PRKCG: variants seen among roughly 807,000 people sequenced by gnomAD.
PRKCG encodes the protein protein kinase C gamma type.
Under a neutral mutation model 82.0 loss-of-function variants are expected in PRKCG, and 28 were observed. That is an observed-to-expected ratio of 0.34 (90% CI 0.25 to 0.47). The LOEUF (loss-of-function observed/expected upper bound fraction) is 0.47, where lower values mean the gene tolerates loss of function less well. Among genes scored for constraint, PRKCG ranks in the 20% least tolerant of loss-of-function variants. The pLI is 1.00. For synonymous variants in PRKCG, 383 were observed against 376.6 expected, an observed-to-expected ratio of 1.02 and a Z score of -0.20; for missense variants, 640 against 952.7, an observed-to-expected ratio of 0.67 and a Z score of 4.32.
chr19:53,889,797 G>A lies in PRKCG; in HGVS notation c.397+48G>A. 2 of 1,597,270 alleles carry A rather than the reference G, an allele frequency of 1.3e-6. No individual in the cohort carries two copies. Among genetic ancestry groups the A allele is most frequent in the Non-Finnish European group, 1.7e-6 (2 of 1,171,896 alleles). On this transcript the variant is annotated intron_variant, in intron 4 of 17. Coordinates refer to ENST00000263431, the MANE Select transcript of PRKCG (RefSeq NM_002739.5). The surrounding 1 kb of genome is among the most constrained non-coding windows in gnomAD (Gnocchi z 4.4). ...GGGCCCTTCCAAAGCGCCCGGTCTG[G>A]GTTCCGGGAAATGCCCGGGATGGGG...
At position 53,898,505 on chromosome 19, in the gene PRKCG, G is replaced by C. The variant is rs1467128117; in HGVS notation, c.1158G>C (p.Val386=). Residue 386 remains valine, a synonymous_variant, in exon 11 of 18, where the codon GTG becomes GTC. Coordinates refer to ENST00000263431, the MANE Select transcript of PRKCG (RefSeq NM_002739.5). Reference sequence around the variant, plus strand: ...CCATCAAGATCTTGAAAAAGGACGTGATCGTCCAGGACGACGATGTGGACT... The same window carrying C: ...CCATCAAGATCTTGAAAAAGGACGTCATCGTCCAGGACGACGATGTGGACT... The part of the protein sequence containing the change: ...LYAIKILKKD[V]IVQDDDVDCT... The C allele has an allele frequency of 6.2e-7, 1 of 1,613,922 alleles. No individual in the cohort carries two copies.
chr19:53,888,374 C>T (rs1407382791), intron 3 of PRKCG, among the ~76,000 whole-genome samples: 3 of 152,044 alleles, frequency 2.0e-5, no homozygotes, highest in Admixed American at 6.6e-5. Flanking sequence ...GATATTGTCC[C>T]GGGGGTAGTG....
chr19:53,899,259 G>T (rs2068744689), intron 11 of PRKCG, among the ~76,000 whole-genome samples: 1 of 152,108 alleles, frequency 6.6e-6, no homozygotes, highest in Non-Finnish European at 1.5e-5. Context: ...ATGGGCTCTT[G>T]GGGGGAGTGG....
At chr19:53,904,797 C>T (rs2068789922) in intron 16 of PRKCG, 55 bp downstream of exon 16, 7 of 1,406,606 alleles carry the variant, frequency 5.0e-6, no homozygotes, top group Non-Finnish European at 7.0e-6. Context: ...CACCCCATTG[C>T]TGTCTCTGTG....
At chr19:53,896,451 G>A (rs1415826213) in intron 9 of PRKCG, among the ~76,000 whole-genome samples, 1 of 150,830 alleles carries the variant, frequency 6.6e-6, no homozygotes, top group Admixed American at 6.6e-5. Context: ...ACACAGTCTC[G>A]CTCTGTCGCC....
Position 53,903,093 on chromosome 19 carries a change from T to C in PRKCG, c.1596T>C (p.Tyr532=). Residue 532 remains tyrosine (Y), a synonymous_variant, in exon 15 of 18, where the codon TAT becomes TAC. Transcript: ENST00000263431. ...IAPEIIAYQP[Y]GKSVDWWSFG... Reference sequence around the variant, plus strand: ...CCTAGATCATTGCCTACCAGCCCTATGGGAAGTCTGTCGATTGGTGGTCCT... The same window carrying C: ...CCTAGATCATTGCCTACCAGCCCTACGGGAAGTCTGTCGATTGGTGGTCCT... 1 of 1,613,460 alleles carries C rather than the reference T, an allele frequency of 6.2e-7. No homozygotes were observed. Among genetic ancestry groups the C allele is most frequent in the East Asian group, 2.2e-5 (1 of 44,858 alleles).
chr19:53,905,565 T>C (rs535957729), intron 16 of PRKCG, among the ~76,000 whole-genome samples: 1 of 151,314 alleles, frequency 6.6e-6, no homozygotes, highest in Admixed American at 6.6e-5. Flanking sequence ...CTTCTCTGAG[T>C]TTCTGCCTTC....
Position 53,904,750 on chromosome 19 carries a change from C to T in PRKCG, c.1764+8C>T, listed in dbSNP as rs756397908. The T allele has an allele frequency of 6.2e-7, 1 of 1,605,178 alleles. No homozygotes were observed. Among genetic ancestry groups the T allele is most frequent in the South Asian group, 1.1e-5 (1 of 90,502 alleles). ...GTGGCCATCTGCAAGGGGGTGAGAG[C>T]CCCCTGACTCCCAGCTTCTCCAGGC... On this transcript the variant is annotated splice_region_variant and intron_variant, in intron 16 of 17. Transcript: ENST00000263431.
intron 14 of PRKCG, among the ~76,000 whole-genome samples, chr19:53,901,774 C>G (rs750669615): frequency 4.3e-4 from 59 of 135,978 alleles, no homozygotes; most frequent in South Asian, 2.3e-3. Context: ...TACTTGAACC[C>G]GGGAGGTGGA....
chr19:53,897,333 T>C (rs2068724885), intron 9 of PRKCG, among the ~76,000 whole-genome samples: 2 of 152,124 alleles, frequency 1.3e-5, no homozygotes, highest in African/African-American at 4.8e-5. Flanking sequence ...AGCAGCTTAG[T>C]CTTGGGCCCC....
rs1599942941 is a variant in PRKCG, at chr19:53,889,608, G to T, written c.286-30G>T. 6.4e-7 allele frequency: 1 copy of T among 1,571,812 alleles called. No individual in the cohort carries two copies. Among genetic ancestry groups the T allele is most frequent in the East Asian group, 2.2e-5 (1 of 44,484 alleles). ...CCTGGGGTTTTAGGACCCTCCCAAC[G>T]CCCCCTAAGCCAGTCTTCTCTGCCC... On this transcript the variant is annotated intron_variant, in intron 3 of 17. Coordinates refer to ENST00000263431, the MANE Select transcript of PRKCG (RefSeq NM_002739.5). This position sits in a 1 kb window ranked among gnomAD's most constrained non-coding sequence, Gnocchi z 4.4.
In PRKCG at chr19:53,906,396, G is replaced by T. The variant is rs780263973; in HGVS notation, c.1844G>T (p.Arg615Leu). The T allele has an allele frequency of 1.3e-6, 2 of 1,567,518 alleles. No homozygotes were observed. The highest frequency in any genetic ancestry group is 2.4e-5 in the East Asian group (1 of 42,336). ...EPTIRAHGFF[R>L]WIDWERLERL... is the part of the protein sequence containing the mutation. ...ACCATCCGTGCACATGGCTTTTTCC[G>T]CTGGATTGACTGGGAGCGGCTGGAA... Residue 615 changes from arginine to leucine, a missense_variant, in exon 17 of 18, where the codon CGC becomes CTC. By Grantham distance (102) the Arg-to-Leu change is moderately radical. This residue lies in a region of PRKCG where 198 missense variants were observed against 273.4 expected (regional missense o/e 0.72). Coordinates refer to ENST00000263431, the MANE Select transcript of PRKCG (RefSeq NM_002739.5).
chr19:53,892,787 C>G lies in PRKCG; in HGVS notation c.821+144C>G, dbSNP rs1599946046. On this transcript the variant is annotated intron_variant, in intron 7 of 17. Coordinates refer to ENST00000263431, the MANE Select transcript of PRKCG (RefSeq NM_002739.5). The surrounding 1 kb of genome is among the most constrained non-coding windows in gnomAD (Gnocchi z 5.9). The stretch of plus-strand genomic sequence containing the variant: ...ACACACACACACACACACACGCACA[C>G]ACACGCACACACCCCTCTCTCTCTA... 2 of 805,862 alleles carry G rather than the reference C, an allele frequency of 2.5e-6. No homozygotes were observed. The highest frequency in any genetic ancestry group is 3.7e-5 in the African/African-American group (2 of 54,044). 49.9% of individuals were successfully genotyped at this position (805,862 alleles called of 1,614,324 possible).
intron 11 of PRKCG, among the ~76,000 whole-genome samples, chr19:53,899,539 T>G (rs961915004): frequency 6.6e-5 from 10 of 151,830 alleles, no homozygotes; most frequent in Non-Finnish European, 1.0e-4. Flanking sequence ...GGGCTCCGAA[T>G]GAGAGTGGCC....
In PRKCG at chr19:53,882,413, C is replaced by T; in HGVS notation, c.-82C>T. 1 of 1,554,820 alleles carries T rather than the reference C, an allele frequency of 6.4e-7. No individual in the cohort carries two copies. ...GAATTTCCCTGTGGCTCCTTTGATC[C>T]TTCGAGTCTCCAGCTCCTCTCCCTT... On this transcript the variant is annotated 5_prime_UTR_variant, in exon 1 of 18. Coordinates refer to ENST00000263431, the MANE Select transcript of PRKCG (RefSeq NM_002739.5). This position sits in a 1 kb window ranked among gnomAD's most constrained non-coding sequence, Gnocchi z 6.1.
chr19:53,884,304 C>G lies in PRKCG; in HGVS notation c.285+61C>G. ...CGTGCCCCCGCCCTCACCCCCTCGG[C>G]GTCCGTCCCAATTTCTCCTGCTATT... is the stretch of plus-strand genomic sequence containing the variant. On this transcript the variant is annotated intron_variant, in intron 3 of 17. Transcript: ENST00000263431. This position sits in a 1 kb window ranked among gnomAD's most constrained non-coding sequence, Gnocchi z 4.6. 2 of 1,469,530 alleles carry G rather than the reference C, an allele frequency of 1.4e-6. No individual in the cohort carries two copies. The highest frequency in any genetic ancestry group is 1.9e-6 in the Non-Finnish European group (2 of 1,050,722). 91.0% of individuals were successfully genotyped at this position (1,469,530 alleles called of 1,614,324 possible). A position where few individuals can be genotyped will look rare whatever the true frequency, so the allele number is the denominator to read the frequency against.
intron 8 of PRKCG, 54 bp downstream of exon 8, chr19:53,893,129 G>A (rs1397582998): frequency 1.3e-6 from 2 of 1,544,044 alleles, no homozygotes; most frequent in Non-Finnish European, 1.8e-6. Context: ...CCACGGTTCA[G>A]AGCTGGCCTT....
In PRKCG at chr19:53,892,047, T is replaced by C. The variant is rs533483401; in HGVS notation, c.686+217T>C. Among the ~76,000 whole-genome samples, 2 of 152,000 alleles carry C rather than the reference T, an allele frequency of 1.3e-5. No individual in the cohort carries two copies. The highest frequency in any genetic ancestry group is 2.1e-4 in the South Asian group (1 of 4,816). ...CAGACCACTGTATAATTAGTCTCCA[T>C]TGAAGCCCCCAACTTTAGAGTTAGA... On this transcript the variant is annotated intron_variant, in intron 6 of 17. Coordinates refer to ENST00000263431, the MANE Select transcript of PRKCG (RefSeq NM_002739.5). The surrounding 1 kb of genome is among the most constrained non-coding windows in gnomAD (Gnocchi z 5.9).
intron 3 of PRKCG, among the ~76,000 whole-genome samples, chr19:53,887,645 G>A (rs1288833875): frequency 2.0e-5 from 3 of 147,494 alleles, no homozygotes; most frequent in South Asian, 4.5e-4. Context: ...CCTGGCTAAC[G>A]CGGTGAAACC....
Sources: gnomAD v4.1 joint callset for allele counts (sites outside exome capture counted in the v4.1 genomes callset) on GRCh38, gnomAD v4.1.1 for gene constraint, gnomAD v4.1.1 regional missense constraint, Gnocchi (gnomAD v3.1) non-coding constraint, MANE v1.5 for transcripts, NCBI Gene and HGNC (gene_info 2026-07-23, HGNC 2026-07-21) for gene names.